The following ING5 variants were observed in gnomAD, a reference collection of about 807,000 sequenced individuals.
ING5 encodes the protein inhibitor of growth protein 5.
In ING5, 17 loss-of-function variants were observed where a neutral mutation model predicts 37.4. The observed-to-expected ratio is 0.45, with a 90% CI of 0.31 to 0.68. ING5 has a LOEUF of 0.68. ING5 is among the 30% of genes least tolerant of loss of function. ING5 has a pLI of 0.05. For missense variants in ING5, 233 were observed against 311.9 expected, an observed-to-expected ratio of 0.75 and a Z score of 1.91; for synonymous variants, 123 against 116.6, an observed-to-expected ratio of 1.06 and a Z score of -0.36.
At chr2:241,719,111 C>T (rs938721441) in intron 5 of ING5, among the ~76,000 whole-genome samples, 7 of 152,198 alleles carry the variant, frequency 4.6e-5, no homozygotes, top group Non-Finnish European at 7.4e-5. Flanking sequence ...TTTCCTCTCT[C>T]GCCTCCTGCC....
upstream of ING5, among the ~76,000 whole-genome samples, chr2:241,699,287 A>C (rs1165868775): frequency 6.6e-6 from 1 of 152,116 alleles, no homozygotes. Flanking sequence ...ATCCTTCCAA[A>C]GTGCTGGGAT....
intron 7 of ING5, chr2:241,724,048 G>C: frequency 1.4e-6 from 2 of 1,390,326 alleles, no homozygotes; most frequent in South Asian, 3.3e-5. Flanking sequence ...GGCTTTGTTT[G>C]CCTGTGCTGA....
chr2:241,705,423 A>T (rs1459137076), intron 2 of ING5, among the ~76,000 whole-genome samples: 1 of 115,230 alleles, frequency 8.7e-6, no homozygotes, highest in Admixed American at 1.0e-4. Context: ...TTTGAGACAG[A>T]GTCTCACTCT....
chr2:241,721,274 G>A (rs1213199451), intron 5 of ING5: 16 of 985,456 alleles, frequency 1.6e-5, no homozygotes, highest in Non-Finnish European at 1.9e-5. Context: ...GGAGAGACCC[G>A]AAGACTACTT....
chr2:241,716,510 G>C (rs557815123), intron 5 of ING5, among the ~76,000 whole-genome samples: 17 of 147,166 alleles, frequency 1.2e-4, no homozygotes, highest in Non-Finnish European at 1.0e-4. Flanking sequence ...GGCCAGGCTG[G>C]TCTCGAACCC....
Position 241,702,094 on chromosome 2 carries a change from A to G in ING5, c.29A>G (p.Tyr10Cys). 1 of 1,361,088 alleles carries G rather than the reference A, an allele frequency of 7.3e-7. No homozygotes were observed. Among genetic ancestry groups the G allele is most frequent in the African/African-American group, 1.5e-5 (1 of 65,246 alleles). 84.3% of individuals were successfully genotyped at this position (1,361,088 alleles called of 1,614,324 possible). MATAMYLEHYLDSIENLPCE... is the reference protein window; with the variant it reads MATAMYLEHCLDSIENLPCE... Reference sequence around the variant, plus strand: ...GCGACCGCCATGTACTTGGAGCACTATCTGGACAGTAAGCGCGCCCCACGG... The same window carrying G: ...GCGACCGCCATGTACTTGGAGCACTGTCTGGACAGTAAGCGCGCCCCACGG... Residue 10 changes from tyrosine (Y) to cysteine (C), a missense_variant, in exon 1 of 8, where the codon TAT (tyrosine) becomes TGT (cysteine). Around this residue, in one of 4 missense-constraint regions of ING5, gnomAD observed 93 missense variants for 99.7 expected, o/e 0.93. Coordinates refer to ENST00000313552, the MANE Select transcript of ING5 (RefSeq NM_032329.6).
intron 3 of ING5, among the ~76,000 whole-genome samples, 198 bp downstream of exon 3, chr2:241,709,580 C>G (rs2070043090): frequency 7.4e-6 from 1 of 134,814 alleles, no homozygotes; most frequent in South Asian, 2.3e-4. Context: ...TTTTCTGGGC[C>G]CTTTTTGTTT....
chr2:241,695,888 A>G (rs2069622760), intron 2 of ING5, among the ~76,000 whole-genome samples: 1 of 152,222 alleles, frequency 6.6e-6, no homozygotes. Context: ...CAGTGGGACA[A>G]AGCAGGGTGA....
At chr2:241,719,412 C>T (rs1479391805) in intron 5 of ING5, 8 of 769,370 alleles carry the variant, frequency 1.0e-5, no homozygotes, top group African/African-American at 3.4e-5. Flanking sequence ...GCTCTTGTTG[C>T]TCCACAGCTC....
At chr2:241,687,101 C>T (rs34081371) in exon 1 of ING5, 40,789 of 389,248 alleles carry the variant, frequency 0.1, 2,172 homozygotes, top group South Asian at 0.14. Context: ...GGCTGGACGG[C>T]CGGAGACGCG....
intron 5 of ING5, chr2:241,719,926 G>C (rs2070387129): frequency 7.7e-7 from 1 of 1,306,094 alleles, no homozygotes; most frequent in African/African-American, 1.5e-5. Context: ...GGGCCCTGCG[G>C]CTCTGGATCT....
At chr2:241,719,905 C>A (rs577047782) in intron 5 of ING5, 2 of 1,318,690 alleles carry the variant, frequency 1.5e-6, no homozygotes, top group African/African-American at 3.0e-5. Flanking sequence ...TCACCGATGG[C>A]GACAGTTGCG....
Position 241,728,885 on chromosome 2 carries a change from G to C in ING5, c.*3854G>C, listed in dbSNP as rs1575146278. 1 of 152,236 alleles carries C rather than the reference G, an allele frequency of 6.6e-6. No individual in the cohort carries two copies. Among genetic ancestry groups the C allele is most frequent in the African/African-American group, 2.4e-5 (1 of 41,448 alleles). The allele number at this position is 152,236 out of a possible 1,614,324, so 9.4% of individuals were successfully genotyped here. A position where few individuals can be genotyped will look rare whatever the true frequency, so the allele number is the denominator to read the frequency against. ...TGGTGGCGGTGGGAGGGTTTGCTGG[G>C]ACTGATGGGGACACCGGCCAGCTTG... On this transcript the variant is annotated 3_prime_UTR_variant, in exon 8 of 8. Transcript: ENST00000313552.
intron 2 of ING5, among the ~76,000 whole-genome samples, chr2:241,706,623 C>A (rs2069919254): frequency 1.2e-5 from 1 of 82,008 alleles, no homozygotes; most frequent in Non-Finnish European, 2.3e-5. Context: ...GAAACTCCAT[C>A]TCAAAAAAAA....
intron 1 of ING5, among the ~76,000 whole-genome samples, chr2:241,703,138 C>T (rs1223315311): frequency 1.3e-5 from 2 of 152,154 alleles, no homozygotes; most frequent in African/African-American, 4.8e-5. Flanking sequence ...GAGGGGAGGC[C>T]TTCTCTATCC....
rs544578122 is a variant in ING5, at chr2:241,723,285, C to T, written c.680+14C>T. On this transcript the variant is annotated intron_variant, in intron 7 of 7. Transcript: ENST00000313552. ...CAAAGGAAAATGGTGAGTGTGGGGACGCTCGCTCTGTTTTCTCCCAGTCTG... is the reference window on the plus strand; with the variant it reads ...CAAAGGAAAATGGTGAGTGTGGGGATGCTCGCTCTGTTTTCTCCCAGTCTG... The T allele has an allele frequency of 5.8e-5, 94 of 1,613,420 alleles. No individual in the cohort carries two copies. The highest frequency in any genetic ancestry group is 1.7e-4 in the Middle Eastern group (1 of 6,060).
intron 4 of ING5, 80 bp downstream of exon 4, chr2:241,711,568 A>G (rs2070112558): frequency 9.5e-7 from 1 of 1,051,152 alleles, no homozygotes; most frequent in Non-Finnish European, 1.4e-6. Context: ...GTAAATCATT[A>G]AAGTATGATC....
At position 241,702,105 on chromosome 2, in the gene ING5, A is replaced by C; in HGVS notation, c.37+3A>C. 7.5e-7 allele frequency: 1 copy of C among 1,339,186 alleles called. No homozygotes were observed. The highest frequency in any genetic ancestry group is 9.6e-7 in the Non-Finnish European group (1 of 1,037,008). The allele number at this position is 1,339,186 out of a possible 1,614,324, so 83.0% of individuals were successfully genotyped here. On this transcript the variant is annotated splice_donor_region_variant and intron_variant, in intron 1 of 7. Coordinates refer to ENST00000313552, the MANE Select transcript of ING5 (RefSeq NM_032329.6). ...GTACTTGGAGCACTATCTGGACAGTAAGCGCGCCCCACGGGCCCCGCGCCC... is the reference window on the plus strand; with the variant it reads ...GTACTTGGAGCACTATCTGGACAGTCAGCGCGCCCCACGGGCCCCGCGCCC...
chr2:241,709,346 C>T lies in ING5; in HGVS notation c.240C>T (p.Asp80=), dbSNP rs146454591. The change falls in exon 3 of 8, where the codon GAC becomes GAT. Residue 80 remains aspartate (D), a synonymous_variant. Transcript: ENST00000313552. ...NAYSKCKEYS[D]DKVQLAMQTY... ...ACAGCAAGTGCAAGGAATACAGTGA[C>T]GACAAAGTGCAGCTGGCCATGCAGA... is the stretch of plus-strand genomic sequence containing the variant. 1.7e-3 allele frequency: 2,667 copies of T among 1,613,710 alleles called. 65 individuals are homozygous for T. In the Admixed American group the frequency reaches 0.042, roughly 25 times the overall value.
Sources: allele counts gnomAD v4.1 joint callset (sites outside exome capture counted in the v4.1 genomes callset), GRCh38; gene constraint gnomAD v4.1.1; regional missense constraint gnomAD v4.1.1; transcripts MANE v1.5; gene names NCBI Gene and HGNC (gene_info 2026-07-23, HGNC 2026-07-21).